Variants in C4BPA observed in about 807,000 individuals in gnomAD.
The protein encoded by C4BPA is C4b-binding protein alpha chain.
Under a neutral mutation model 63.7 loss-of-function variants are expected in C4BPA, and 31 were observed. The ratio of observed to expected loss-of-function variants is 0.49; its 90% CI spans 0.37 to 0.66. The LOEUF is 0.66. Among genes scored for constraint, C4BPA ranks in the 30% least tolerant of loss-of-function variants. The pLI is 0.00. For synonymous variants in C4BPA, 259 were observed against 254.7 expected, an observed-to-expected ratio of 1.02 and a Z score of -0.16; for missense variants, 572 against 723.3, an observed-to-expected ratio of 0.79 and a Z score of 2.40.
At chr1:207,130,150 T>C (rs1572791066) in intron 7 of C4BPA, among the ~76,000 whole-genome samples, 1 of 152,358 alleles carries the variant, frequency 6.6e-6, no homozygotes, top group East Asian at 1.9e-4. Context: ...CTCATTGTTT[T>C]ACTGTGTGGA....
At chr1:207,124,691 T>C (rs543081349) in intron 6 of C4BPA, among the ~76,000 whole-genome samples, 3 of 152,342 alleles carry the variant, frequency 2.0e-5, no homozygotes, top group Non-Finnish European at 4.4e-5. Flanking sequence ...GCAGCCGTAG[T>C]CTGTGTTAGC....
intron 6 of C4BPA, among the ~76,000 whole-genome samples, chr1:207,125,016 A>G (rs1468371394): frequency 6.6e-6 from 1 of 152,260 alleles, no homozygotes; most frequent in Non-Finnish European, 1.5e-5. Flanking sequence ...GGGCAACAGG[A>G]CAAAGCAAGT....
chr1:207,115,412 C>T lies in C4BPA; in HGVS notation c.329-4C>T. 1.9e-6 allele frequency: 3 copies of T among 1,554,360 alleles called. No homozygotes were observed. The highest frequency in any genetic ancestry group is 1.8e-6 in the Non-Finnish European group (2 of 1,141,450). ...ACTAATCATCATTTAAATTTTTCTC[C>T]CAGACAAACGATGCAGACACCCAGG... On this transcript the variant is annotated splice_region_variant and splice_polypyrimidine_tract_variant and intron_variant, in intron 3 of 11. Transcript: ENST00000367070.
intron 1 of C4BPA, among the ~76,000 whole-genome samples, chr1:207,111,061 A>T (rs559841365): frequency 6.6e-6 from 1 of 152,176 alleles, no homozygotes; most frequent in Non-Finnish European, 1.5e-5. Context: ...AACATATCTT[A>T]TTGGGTGGGA....
chr1:207,115,352 C>A, intron 3 of C4BPA, 64 bp from the exon 4 acceptor site: 1 of 840,750 alleles, frequency 1.2e-6, no homozygotes, highest in South Asian at 1.7e-5. Flanking sequence ...AATTTCTTTT[C>A]TTTTCTAATG....
chr1:207,139,054 A>G lies in C4BPA; in HGVS notation c.1274-2052A>G, dbSNP rs117102428. On this transcript the variant is annotated intron_variant, in intron 9 of 11. Transcript: ENST00000367070. ...GACGGTCAAGATATATTCAGACTCT[A>G]TTATGACATGGGCAAGAGGGTTATC... 8.8e-3 allele frequency among the ~76,000 whole-genome samples: 1,344 copies of G among 152,314 alleles called. 27 individuals are homozygous for G. Among genetic ancestry groups the G allele is most frequent in the Admixed American group, 0.049 (747 of 15,304 alleles).
chr1:207,111,883 G>A (rs367983998), intron 1 of C4BPA, among the ~76,000 whole-genome samples: 2 of 152,030 alleles, frequency 1.3e-5, no homozygotes, highest in South Asian at 2.1e-4. Flanking sequence ...GAGTGAATTT[G>A]GTTAACTTCA....
chr1:207,137,658 C>A (rs981544942), intron 9 of C4BPA, among the ~76,000 whole-genome samples: 1 of 152,096 alleles, frequency 6.6e-6, no homozygotes, highest in African/African-American at 2.4e-5. Flanking sequence ...CTCCCTGTTG[C>A]CTAAGCTGGA....
Position 207,134,437 on chromosome 1 carries a change from G to T in C4BPA, c.1118G>T (p.Gly373Val). ...LCCPEPKLNNGEITQHRKSRP... is the reference protein window; with the variant it reads ...LCCPEPKLNNVEITQHRKSRP... The stretch of plus-strand genomic sequence containing the variant: ...TGCCCTGAACCAAAGCTAAATAATG[G>T]TGAAATCACTCAACACAGGAAAAGT... Residue 373 changes from glycine to valine, a missense_variant, in exon 9 of 12, where the codon GGT (glycine) becomes GTT (valine). Transcript: ENST00000367070. 1 of 1,613,754 alleles carries T rather than the reference G, an allele frequency of 6.2e-7. No individual in the cohort carries two copies. Among genetic ancestry groups the T allele is most frequent in the East Asian group, 2.2e-5 (1 of 44,850 alleles).
intron 10 of C4BPA, among the ~76,000 whole-genome samples, chr1:207,142,580 G>C (rs1685443334): frequency 6.6e-6 from 1 of 152,064 alleles, no homozygotes; most frequent in South Asian, 2.1e-4. Flanking sequence ...TCCAGCATCT[G>C]TTGTTTCCTG....
At position 207,114,264 on chromosome 1, in the gene C4BPA, G is replaced by A. The variant is rs753511286; in HGVS notation, c.307G>A (p.Val103Met). Residue 103 changes from valine (V) to methionine (M), a missense_variant, in exon 3 of 12, where the codon GTG becomes ATG. This residue lies in a region of C4BPA where 465 missense variants were observed against 629.4 expected (regional missense o/e 0.74). Transcript: ENST00000367070. ...TLTCNSDGEW[V>M]YNTFCIYKRC... Reference sequence around the variant, plus strand: ...TACCTGTAATTCTGATGGCGAATGGGTGTATAACACCTTCTGTATCTGTAA... The same window carrying A: ...TACCTGTAATTCTGATGGCGAATGGATGTATAACACCTTCTGTATCTGTAA... 1.2e-6 allele frequency: 2 copies of A among 1,612,388 alleles called. No homozygotes were observed. Among genetic ancestry groups the A allele is most frequent in the Non-Finnish European group, 1.7e-6 (2 of 1,178,930 alleles).
intron 10 of C4BPA, among the ~76,000 whole-genome samples, 154 bp from the exon 11 acceptor site, chr1:207,143,664 A>G (rs1256314234): frequency 6.6e-6 from 1 of 152,202 alleles, no homozygotes; most frequent in East Asian, 1.9e-4. Flanking sequence ...ATAGGTAGTC[A>G]TACTCAATAA....
chr1:207,112,109 A>G (rs78297332), intron 1 of C4BPA, among the ~76,000 whole-genome samples: 9,346 of 152,170 alleles, frequency 0.061, 822 homozygotes, highest in African/African-American at 0.19. Flanking sequence ...ATTAAAAAAA[A>G]AAGTCCTTAC....
At chr1:207,106,933 T>A (rs1412401523) in intron 1 of C4BPA, among the ~76,000 whole-genome samples, 1 of 152,164 alleles carries the variant, frequency 6.6e-6, no homozygotes, top group Non-Finnish European at 1.5e-5. Flanking sequence ...GTCACGGGGT[T>A]ATATAGACCA....
chr1:207,114,756 A>C (rs966669508), intron 3 of C4BPA: 3 of 164,024 alleles, frequency 1.8e-5, no homozygotes, highest in Non-Finnish European at 2.6e-5. Context: ...GGCTTCCCAA[A>C]GTGCTGATAT....
rs1685238327 is a variant in C4BPA at position 207,134,565 on chromosome 1, A to G, written c.1246A>G (p.Ser416Gly). The stretch of plus-strand genomic sequence containing the variant: ...TATATGCCAAGGAGATGGCACGTGG[A>G]GTCCCCGAACACCATCATGTGGAGA... ...SAICQGDGTW[S>G]PRTPSCGDIC... Residue 416 changes from serine to glycine, a missense_variant, in exon 9 of 12, where the codon AGT (serine) becomes GGT (glycine). Around this residue, in one of 2 missense-constraint regions of C4BPA, gnomAD observed 465 missense variants for 629.4 expected, o/e 0.74. Coordinates refer to ENST00000367070, the MANE Select transcript of C4BPA (RefSeq NM_000715.4). 1 of 1,613,560 alleles carries G rather than the reference A, an allele frequency of 6.2e-7. No individual in the cohort carries two copies.
intron 1 of C4BPA, among the ~76,000 whole-genome samples, chr1:207,108,761 C>T (rs867017257): frequency 1.8e-4 from 27 of 152,232 alleles, no homozygotes; most frequent in African/African-American, 5.3e-4. Flanking sequence ...GTCTCTCTGT[C>T]GCCCAGGCTG....
At position 207,119,676 on chromosome 1, in the gene C4BPA, G is replaced by C. The variant is rs553760301; in HGVS notation, c.428+4161G>C. Among the ~76,000 whole-genome samples, 8 of 92,608 alleles carry C rather than the reference G, an allele frequency of 8.6e-5. 3 individuals are homozygous for C. Among genetic ancestry groups the C allele is most frequent in the Non-Finnish European group, 2.1e-4 (8 of 37,352 alleles). The allele number at this position is 92,608 out of a possible 152,430, so 60.8% of individuals were successfully genotyped here. On this transcript the variant is annotated intron_variant, in intron 4 of 11. Transcript: ENST00000367070. ...TGATATTCTATAACTTAAATATTGA[G>C]ATGTAAGGTAAGCCACTACAAACAC...
At position 207,123,929 on chromosome 1, in the gene C4BPA, T is replaced by C. The variant is rs1017914033; in HGVS notation, c.436T>C (p.Leu146=). 6.9e-6 allele frequency: 11 copies of C among 1,604,160 alleles called. No homozygotes were observed. Among genetic ancestry groups the C allele is most frequent in the Non-Finnish European group, 8.5e-6 (10 of 1,172,404 alleles). ...IEFSCSEGFF[L]IGSTTSRCEV... ...TTGATCTATCTTATTCAGATTTTTC[T>C]TAATTGGCTCAACCACTAGTCGTTG... The change falls in exon 5 of 12, where the codon TTA becomes CTA. Residue 146 remains leucine, a synonymous_variant. Transcript: ENST00000367070.
Sources: allele counts gnomAD v4.1 joint callset (sites outside exome capture counted in the v4.1 genomes callset), GRCh38; gene constraint gnomAD v4.1.1; regional missense constraint gnomAD v4.1.1; transcripts MANE v1.5; gene names NCBI Gene and HGNC (gene_info 2026-07-23, HGNC 2026-07-21).